NRXN1: variants seen among roughly 807,000 people sequenced by gnomAD.
The protein encoded by NRXN1 is neurexin 1.
In NRXN1, 39 loss-of-function variants were observed where a neutral mutation model predicts 150.9. The observed-to-expected ratio is 0.26, with a 90% CI of 0.20 to 0.34. The LOEUF is 0.34. Among genes scored for constraint, NRXN1 ranks in the 10% least tolerant of loss-of-function variants. The pLI is 1.00. For synonymous variants in NRXN1, 924 were observed against 757.0 expected (o/e 1.22, Z -3.62); for missense variants, 1,815 against 1,949.9 (o/e 0.93, Z 1.30).
intron 5 of NRXN1, among the ~76,000 whole-genome samples, chr2:50,769,706 G>A (rs1702781584): frequency 6.6e-6 from 1 of 152,096 alleles, no homozygotes; most frequent in Non-Finnish European, 1.5e-5. Context: ...GCCTCATTAT[G>A]ATGATAAAGA....
intron 5 of NRXN1, among the ~76,000 whole-genome samples, chr2:50,713,546 A>T (rs2105062566): frequency 6.6e-6 from 1 of 152,290 alleles, no homozygotes; most frequent in African/African-American, 2.4e-5. Context: ...CTGAGTTAAA[A>T]GTCAGCATGG....
chr2:50,733,113 T>C (rs1698296119), intron 5 of NRXN1, among the ~76,000 whole-genome samples: 1 of 152,196 alleles, frequency 6.6e-6, no homozygotes, highest in Non-Finnish European at 1.5e-5. Flanking sequence ...CTATTAAATA[T>C]ACTATAAATA....
chr2:50,023,864 A>C (rs1435242082), intron 21 of NRXN1: 2 of 152,176 alleles, frequency 1.3e-5, no homozygotes, highest in Non-Finnish European at 2.9e-5. Flanking sequence ...TAACCTAATC[A>C]ACCAGTTCAT....
intron 21 of NRXN1, among the ~76,000 whole-genome samples, chr2:50,043,219 T>C (rs1241477543): frequency 6.6e-6 from 1 of 152,136 alleles, no homozygotes; most frequent in African/African-American, 2.4e-5. Flanking sequence ...AATTGAGCCA[T>C]TAAATAAAAA....
chr2:49,940,070 T>C (rs1456098840), intron 22 of NRXN1, among the ~76,000 whole-genome samples: 3 of 152,020 alleles, frequency 2.0e-5, no homozygotes, highest in Admixed American at 6.6e-5. Context: ...ATAAGGAACA[T>C]AGGACATTTT....
At chr2:50,144,087 A>G (rs765710471) in intron 18 of NRXN1, among the ~76,000 whole-genome samples, 1 of 151,850 alleles carries the variant, frequency 6.6e-6, no homozygotes, top group African/African-American at 2.4e-5. Context: ...CCCCACTCCA[A>G]TGCAATCATA....
intron 2 of NRXN1, among the ~76,000 whole-genome samples, chr2:50,999,816 T>G (rs528122908): frequency 6.6e-6 from 1 of 152,054 alleles, no homozygotes; most frequent in South Asian, 2.1e-4. Flanking sequence ...ATTAACCAGT[T>G]TTCCCATTTC....
chr2:50,858,837 CTT>C (rs1675659940), intron 5 of NRXN1, among the ~76,000 whole-genome samples: 1 of 152,044 alleles, frequency 6.6e-6, no homozygotes, highest in Non-Finnish European at 1.5e-5. Context: ...ACCTGGCAGT[CTT>C]AACACAATAA....
chr2:50,321,219 G>C (rs981761324), intron 17 of NRXN1, among the ~76,000 whole-genome samples: 1 of 152,114 alleles, frequency 6.6e-6, no homozygotes, highest in Non-Finnish European at 1.5e-5. Context: ...AAGTATCCTG[G>C]AATGCATGAC....
At chr2:50,640,748 G>T (rs1423111077) in intron 5 of NRXN1, among the ~76,000 whole-genome samples, 2 of 152,144 alleles carry the variant, frequency 1.3e-5, no homozygotes, top group Non-Finnish European at 2.9e-5. Flanking sequence ...CAGATACAGA[G>T]AAATCCCTAA....
At chr2:50,626,058 AT>A (rs759112259) in intron 5 of NRXN1, among the ~76,000 whole-genome samples, 7 of 152,062 alleles carry the variant, frequency 4.6e-5, no homozygotes, top group Non-Finnish European at 1.0e-4. Context: ...GTATATGAAC[AT>A]TGTAAAGATT....
intron 5 of NRXN1, among the ~76,000 whole-genome samples, chr2:50,680,979 G>A (rs1690294945): frequency 6.6e-6 from 1 of 151,840 alleles, no homozygotes; most frequent in Non-Finnish European, 1.5e-5. Context: ...AGTTAACTTA[G>A]TAAAAAAAAA....
intron 18 of NRXN1, among the ~76,000 whole-genome samples, chr2:50,115,146 A>T (rs1396937148): frequency 1.4e-5 from 2 of 144,374 alleles, no homozygotes; most frequent in Admixed American, 1.4e-4. Flanking sequence ...ATTTCGCTCA[A>T]TTTTTTTTTT....
intron 5 of NRXN1, among the ~76,000 whole-genome samples, chr2:50,848,770 A>G (rs528496201): frequency 1.7e-4 from 26 of 152,360 alleles, no homozygotes; most frequent in African/African-American, 6.0e-4. Flanking sequence ...CAAAAATGCC[A>G]GGGTAGTCTC....
intron 21 of NRXN1, among the ~76,000 whole-genome samples, chr2:49,990,827 G>C (rs769681767): frequency 1.3e-5 from 2 of 152,084 alleles, no homozygotes; most frequent in Non-Finnish European, 2.9e-5. Flanking sequence ...GGCACTATTA[G>C]CAAGCTTCAA....
intron 2 of NRXN1, among the ~76,000 whole-genome samples, chr2:50,981,293 CA>C (rs1001544892): frequency 6.6e-6 from 1 of 151,116 alleles, no homozygotes; most frequent in Non-Finnish European, 1.5e-5. Flanking sequence ...CCCTTCTCTA[CA>C]AAAAATAACA....
chr2:50,532,805 T>C (rs909725740), intron 10 of NRXN1, among the ~76,000 whole-genome samples: 1 of 152,004 alleles, frequency 6.6e-6, no homozygotes, highest in Non-Finnish European at 1.5e-5. Context: ...CTTTAAGAAA[T>C]AGTCAGGACT....
intron 5 of NRXN1, among the ~76,000 whole-genome samples, chr2:50,896,488 T>C (rs532170999): frequency 6.6e-6 from 1 of 151,892 alleles, no homozygotes; most frequent in Admixed American, 6.5e-5. Context: ...TTCTAAAAAA[T>C]AAACAAGTAA....
rs113016679 is a variant in NRXN1, at chr2:50,598,963, G to C, written c.1320+21059C>G. 5.5e-3 allele frequency among the ~76,000 whole-genome samples: 833 copies of C among 151,696 alleles called. 6 individuals are homozygous for C. Among genetic ancestry groups the C allele is most frequent in the African/African-American group, 0.02 (813 of 41,366 alleles). On this transcript the variant is annotated intron_variant, in intron 8 of 22. Transcript: ENST00000401669. ...TGTTTTGTACTTTTAGCAGAGACAG[G>C]GTTTCACCATGTTGGCCAGGCTGCT...
Sources: gnomAD v4.1 joint callset for allele counts (sites outside exome capture counted in the v4.1 genomes callset) on GRCh38, gnomAD v4.1.1 for gene constraint, MANE v1.5 for transcripts, NCBI Gene and HGNC (gene_info 2026-07-23, HGNC 2026-07-21) for gene names.